The following ZMAT4 variants were observed in gnomAD, a reference collection of about 807,000 sequenced individuals.
The protein encoded by ZMAT4 is zinc finger matrin-type protein 4.
A neutral mutation model predicts 28.7 loss-of-function variants in ZMAT4; 17 were observed. The ratio of observed to expected loss-of-function variants is 0.59; its 90% CI spans 0.41 to 0.89. The LOEUF is 0.89. Among genes scored for constraint, ZMAT4 ranks in the 40% least tolerant of loss-of-function variants. ZMAT4 has a pLI of 0.00. For missense variants in ZMAT4, 240 were observed against 283.8 expected, an observed-to-expected ratio of 0.85 and a Z score of 1.11; for synonymous variants, 117 against 109.2, an observed-to-expected ratio of 1.07 and a Z score of -0.44.
intron 1 of ZMAT4, among the ~76,000 whole-genome samples, chr8:40,846,746 C>T (rs1169360417): frequency 6.6e-6 from 1 of 152,114 alleles, no homozygotes; most frequent in Non-Finnish European, 1.5e-5. Context: ...CTGCTGCAAA[C>T]GTGTATGAGG....
chr8:40,780,514 C>G lies in ZMAT4; in HGVS notation c.103-12784G>C, dbSNP rs753167135. Among the ~76,000 whole-genome samples, 3 of 152,180 alleles carry G rather than the reference C, an allele frequency of 2.0e-5. No homozygotes were observed. In the East Asian group the frequency reaches 5.8e-4, roughly 29 times the overall value. ...CTTGCTCAATGTTCCTGTTTTAGTC[C>G]GGAGCACCGACATTCTTGTAGGCAA... On this transcript the variant is annotated intron_variant, in intron 2 of 6. Transcript: ENST00000297737.
chr8:40,648,294 C>G (rs533555555), intron 5 of ZMAT4, among the ~76,000 whole-genome samples: 1 of 151,018 alleles, frequency 6.6e-6, no homozygotes, highest in African/African-American at 2.4e-5. Flanking sequence ...CCTCAGGAGC[C>G]GATGCGATCA....
At chr8:40,844,296 T>G (rs1258388831) in intron 1 of ZMAT4, among the ~76,000 whole-genome samples, 1 of 152,192 alleles carries the variant, frequency 6.6e-6, no homozygotes, top group Non-Finnish European at 1.5e-5. Flanking sequence ...GATTAGTGTT[T>G]GAATTGCGTA....
intron 1 of ZMAT4, among the ~76,000 whole-genome samples, chr8:40,844,927 G>C (rs554331299): frequency 2.0e-5 from 3 of 152,138 alleles, no homozygotes; most frequent in Non-Finnish European, 4.4e-5. Flanking sequence ...CCTATTGATT[G>C]CATTGGTGTG....
intron 3 of ZMAT4, among the ~76,000 whole-genome samples, chr8:40,761,748 C>G (rs956120679): frequency 6.6e-6 from 1 of 152,156 alleles, no homozygotes; most frequent in African/African-American, 2.4e-5. Flanking sequence ...GCCCATAGAT[C>G]AGGAGATACT....
chr8:40,833,669 G>C (rs1253479774), intron 1 of ZMAT4, among the ~76,000 whole-genome samples: 1 of 151,976 alleles, frequency 6.6e-6, no homozygotes, highest in Admixed American at 6.6e-5. Flanking sequence ...GGGACCACCG[G>C]CTCCAGCACA....
intron 3 of ZMAT4, among the ~76,000 whole-genome samples, chr8:40,757,124 C>T (rs892782039): frequency 7.9e-5 from 12 of 152,032 alleles, no homozygotes; most frequent in African/African-American, 2.9e-4. Context: ...CCAAACAGAC[C>T]GTGAGAAGGA....
chr8:40,726,943 C>T (rs775294386), intron 3 of ZMAT4, among the ~76,000 whole-genome samples: 8 of 152,220 alleles, frequency 5.3e-5, no homozygotes, highest in Non-Finnish European at 1.0e-4. Flanking sequence ...GGATTTCATA[C>T]TGGCCACACA....
intron 3 of ZMAT4, among the ~76,000 whole-genome samples, chr8:40,741,014 A>G (rs199853709): frequency 2.0e-5 from 3 of 151,926 alleles, no homozygotes; most frequent in African/African-American, 7.2e-5. Flanking sequence ...ACACACACAC[A>G]CACACACGCA....
At chr8:40,690,650 A>G (rs1809620568) in intron 4 of ZMAT4, among the ~76,000 whole-genome samples, 1 of 152,158 alleles carries the variant, frequency 6.6e-6, no homozygotes, top group Admixed American at 6.5e-5. Flanking sequence ...GTGCTGATTG[A>G]ACCTAGAGTG....
intron 4 of ZMAT4, among the ~76,000 whole-genome samples, chr8:40,688,118 C>T (rs903669671): frequency 2.6e-5 from 4 of 152,116 alleles, no homozygotes; most frequent in African/African-American, 9.7e-5. Context: ...TTGCTTAGTC[C>T]TTCAATGCAA....
At chr8:40,667,119 C>G (rs1808447757) in intron 5 of ZMAT4, among the ~76,000 whole-genome samples, 1 of 151,740 alleles carries the variant, frequency 6.6e-6, no homozygotes, top group South Asian at 2.1e-4. Context: ...GTAGTAAACA[C>G]TGGCCCGCAA....
At chr8:40,719,502 C>T (rs1810990276) in intron 3 of ZMAT4, among the ~76,000 whole-genome samples, 1 of 151,984 alleles carries the variant, frequency 6.6e-6, no homozygotes, top group Admixed American at 6.6e-5. Context: ...TTAGAGAAAG[C>T]AGGGAGAAAT....
intron 3 of ZMAT4, among the ~76,000 whole-genome samples, chr8:40,762,844 T>C (rs1200922849): frequency 6.6e-6 from 1 of 152,128 alleles, no homozygotes; most frequent in East Asian, 1.9e-4. Flanking sequence ...AGAGAATAAA[T>C]GCTCTTTGTT....
intron 5 of ZMAT4, among the ~76,000 whole-genome samples, chr8:40,611,452 T>G (rs1177490250): frequency 6.6e-6 from 1 of 152,128 alleles, no homozygotes; most frequent in Non-Finnish European, 1.5e-5. Context: ...ACCATTCTCC[T>G]GCCTCAGCCT....
chr8:40,616,735 G>C (rs141925314), intron 5 of ZMAT4, among the ~76,000 whole-genome samples: 1 of 151,922 alleles, frequency 6.6e-6, no homozygotes. Flanking sequence ...GGGGCCTGCC[G>C]TGGGTTGGGG....
chr8:40,737,325 C>A (rs936265405), intron 3 of ZMAT4, among the ~76,000 whole-genome samples: 4 of 151,672 alleles, frequency 2.6e-5, no homozygotes, highest in South Asian at 2.1e-4. Context: ...AGATTGGACA[C>A]CCCCGATTTA....
chr8:40,756,737 T>G (rs1413808350), intron 3 of ZMAT4, among the ~76,000 whole-genome samples: 1 of 151,546 alleles, frequency 6.6e-6, no homozygotes, highest in East Asian at 2.0e-4. Context: ...TAGCAAATAC[T>G]GAACCATTGC....
intron 5 of ZMAT4, among the ~76,000 whole-genome samples, chr8:40,625,998 T>C (rs993083882): frequency 2.0e-5 from 3 of 151,584 alleles, no homozygotes; most frequent in Non-Finnish European, 4.4e-5. Flanking sequence ...TAATCCCAGC[T>C]ACTCGGGAGG....
Sources: gnomAD v4.1 joint callset for allele counts (sites outside exome capture counted in the v4.1 genomes callset) on GRCh38, gnomAD v4.1.1 for gene constraint, MANE v1.5 for transcripts, NCBI Gene and HGNC (gene_info 2026-07-23, HGNC 2026-07-21) for gene names.